Variants in TENM3 observed in about 807,000 individuals in gnomAD.
The protein encoded by TENM3 is teneurin transmembrane protein 3.
In TENM3, 63 loss-of-function variants were observed where a neutral mutation model predicts 255.1. That is an observed-to-expected ratio of 0.25 (90% confidence interval 0.20 to 0.30). The LOEUF is 0.30. TENM3 is among the 10% of genes least tolerant of loss of function. The probability of loss-of-function intolerance (pLI) is 1.00; values close to 1 mark genes in which losing one functional copy is unlikely to be tolerated. For synonymous variants in TENM3, 1,306 were observed against 1,322.3 expected (o/e 0.99, Z 0.27); for missense variants, 2,929 against 3,461.1 (o/e 0.85, Z 3.86).
At chr4:181,846,274 T>TA in the TENM3 span, among the ~76,000 whole-genome samples, 3 of 152,264 alleles carry the variant, frequency 2.0e-5, no homozygotes, top group East Asian at 3.9e-4. Flanking sequence ...GCTATCTTTT[T>TA]AAAAAAATCT....
At chr4:181,746,208 G>T in the TENM3 span, among the ~76,000 whole-genome samples, 1 of 152,114 alleles carries the variant, frequency 6.6e-6, no homozygotes, top group Non-Finnish European at 1.5e-5. Context: ...TTGAGATAAT[G>T]GAGAGGTTAT....
intron 1 of TENM3, among the ~76,000 whole-genome samples, chr4:182,165,237 T>C (rs28680283): frequency 0.44 from 66,418 of 152,036 alleles, 14,607 homozygotes; most frequent in South Asian, 0.52. Context: ...AGTGATTCTA[T>C]GATCAATACT....
the TENM3 span, among the ~76,000 whole-genome samples, chr4:181,547,469 C>G: frequency 9.8e-4 from 149 of 151,826 alleles, no homozygotes; most frequent in African/African-American, 3.4e-3. Context: ...ATAAAAATTC[C>G]AAAAAGTTGA....
intron 24 of TENM3, among the ~76,000 whole-genome samples, chr4:182,779,666 G>T (rs1765005592): frequency 6.6e-6 from 1 of 151,916 alleles, no homozygotes; most frequent in Non-Finnish European, 1.5e-5. Flanking sequence ...CTAGTTTACA[G>T]TCCCACCAAC....
At chr4:182,144,837 G>C (rs1308846251) in intron 1 of TENM3, 1 of 151,356 alleles carries the variant, frequency 6.6e-6, no homozygotes, top group African/African-American at 2.4e-5. Context: ...GCTGGCGGGC[G>C]CGAGCTGGGA....
At chr4:181,900,454 T>C in the TENM3 span, among the ~76,000 whole-genome samples, 4 of 152,282 alleles carry the variant, frequency 2.6e-5, no homozygotes, top group Admixed American at 2.6e-4. Flanking sequence ...TATGGTCCAA[T>C]ACCAAACATT....
chr4:181,958,719 T>G, the TENM3 span, among the ~76,000 whole-genome samples: 1 of 152,246 alleles, frequency 6.6e-6, no homozygotes, highest in Non-Finnish European at 1.5e-5. Context: ...AAGAGAAAAC[T>G]TCACATACAC....
At chr4:182,117,087 C>T in the TENM3 span, among the ~76,000 whole-genome samples, 6 of 152,192 alleles carry the variant, frequency 3.9e-5, no homozygotes, top group Non-Finnish European at 8.8e-5. Flanking sequence ...TGTGTATCTT[C>T]CTTGGTGTAG....
intron 1 of TENM3, among the ~76,000 whole-genome samples, chr4:182,264,595 C>T (rs1759116038): frequency 6.6e-6 from 1 of 152,192 alleles, no homozygotes; most frequent in African/African-American, 2.4e-5. Context: ...TTGCCCTTTC[C>T]CAGTGGCGGT....
the TENM3 span, among the ~76,000 whole-genome samples, chr4:181,763,877 CTT>C: frequency 6.6e-6 from 1 of 152,098 alleles, no homozygotes; most frequent in East Asian, 1.9e-4. Context: ...TTATGGAAAA[CTT>C]TTATGAACGC....
chr4:181,660,902 T>A, the TENM3 span, among the ~76,000 whole-genome samples: 59 of 152,206 alleles, frequency 3.9e-4, no homozygotes, highest in Non-Finnish European at 6.5e-4. Context: ...TTACATTCTA[T>A]CCATGCTTTA....
rs758045120 is a variant in TENM3, at chr4:182,601,209, A to AGG, written c.749+49_749+50dup. Reference sequence around the variant, plus strand: ...AAGCTAGCCCAACCCTTTTCTCACCAGGAGCAATTTACTATACTTACATAT... The same window carrying AGG: ...AAGCTAGCCCAACCCTTTTCTCACCAGGGGAGCAATTTACTATACTTACATAT... On this transcript the variant is annotated intron_variant, in intron 4 of 27. Transcript: ENST00000511685. 1.8e-4 allele frequency: 261 copies of AGG among 1,462,194 alleles called. 2 individuals carry two copies. The African/African-American group carries it at 3.3e-3, about 19-fold the overall frequency. 90.6% of individuals were successfully genotyped at this position (1,462,194 alleles called of 1,614,324 possible).
At chr4:182,521,972 T>C (rs1312140168) in intron 3 of TENM3, among the ~76,000 whole-genome samples, 1 of 152,198 alleles carries the variant, frequency 6.6e-6, no homozygotes, top group Non-Finnish European at 1.5e-5. Context: ...AAGAGACTTA[T>C]ATGACGTTCT....
At chr4:182,197,975 C>T (rs575377984) in intron 1 of TENM3, among the ~76,000 whole-genome samples, 6 of 152,220 alleles carry the variant, frequency 3.9e-5, no homozygotes, top group South Asian at 2.1e-4. Context: ...TGTGGTGGCA[C>T]GTGCTTGTAA....
chr4:182,208,118 T>C lies in TENM3; in HGVS notation c.-76+63364T>C, dbSNP rs1490204127. On this transcript the variant is annotated intron_variant, in intron 1 of 2. Coordinates refer to the TENM3 transcript ENST00000512480. ...GCAAGCTGCTTAAGCACAGAGTTAA[T>C]GTCCAACATGCCTTTTTCTAGCAGG... Among the ~76,000 whole-genome samples, 3 of 152,246 alleles carry C rather than the reference T, an allele frequency of 2.0e-5. No individual in the cohort carries two copies. In the East Asian group the frequency reaches 5.8e-4, roughly 29 times the overall value.
chr4:181,553,546 A>G, the TENM3 span, among the ~76,000 whole-genome samples: 2 of 151,660 alleles, frequency 1.3e-5, no homozygotes. Flanking sequence ...GGTTCACGTC[A>G]TTCTCCTGCC....
the TENM3 span, among the ~76,000 whole-genome samples, chr4:182,038,121 T>C: frequency 6.6e-6 from 1 of 152,216 alleles, no homozygotes; most frequent in African/African-American, 2.4e-5. Context: ...TCCTGTATTG[T>C]TCATCTCAAG....
intron 2 of TENM3, among the ~76,000 whole-genome samples, chr4:182,345,493 TAGC>T (rs1318437741): frequency 6.6e-6 from 1 of 152,336 alleles, no homozygotes; most frequent in Non-Finnish European, 1.5e-5. Context: ...GGTTATGAGA[TAGC>T]AGCATTTAAA....
At chr4:182,357,176 A>G (rs1247895614) in intron 3 of TENM3, among the ~76,000 whole-genome samples, 1 of 152,082 alleles carries the variant, frequency 6.6e-6, no homozygotes, top group South Asian at 2.1e-4. Context: ...CTCAATAAAC[A>G]TACGTGTGCA....
Sources: allele counts gnomAD v4.1 joint callset (sites outside exome capture counted in the v4.1 genomes callset), GRCh38; gene constraint gnomAD v4.1.1; transcripts MANE v1.5; gene names NCBI Gene and HGNC (gene_info 2026-07-23, HGNC 2026-07-21).